ZFAND3: variants seen among roughly 807,000 people sequenced by gnomAD.
The protein encoded by ZFAND3 is zinc finger AN1-type containing 3, also known as AN1-type zinc finger protein 3.
ZFAND3 carries 10 observed loss-of-function variants against 29.6 expected under a neutral mutation model. The ratio of observed to expected loss-of-function variants is 0.34; its 90% CI spans 0.21 to 0.57. The LOEUF (loss-of-function observed/expected upper bound fraction) is 0.57, where lower values mean the gene tolerates loss of function less well. ZFAND3 is among the 20% of genes least tolerant of loss of function. ZFAND3 has a pLI of 0.86. For missense variants in ZFAND3, 230 were observed against 304.5 expected, an observed-to-expected ratio of 0.76 and a Z score of 1.82; for synonymous variants, 128 against 112.6, an observed-to-expected ratio of 1.14 and a Z score of -0.87.
At chr6:38,080,868 A>G (rs889465950) in intron 3 of ZFAND3, among the ~76,000 whole-genome samples, 1 of 152,060 alleles carries the variant, frequency 6.6e-6, no homozygotes, top group Non-Finnish European at 1.5e-5. Context: ...TACCATTTGA[A>G]CCTCTGGAAT....
intron 2 of ZFAND3, among the ~76,000 whole-genome samples, chr6:38,037,611 A>G (rs1763684519): frequency 6.6e-6 from 1 of 152,228 alleles, no homozygotes; most frequent in Non-Finnish European, 1.5e-5. Flanking sequence ...AGGTAAAGCA[A>G]ACAACTTATT....
At chr6:38,086,691 C>G (rs1764764884) in intron 4 of ZFAND3, among the ~76,000 whole-genome samples, 1 of 152,194 alleles carries the variant, frequency 6.6e-6, no homozygotes, top group African/African-American at 2.4e-5. Context: ...ACCGGAGTTA[C>G]AGTCATCTCC....
At chr6:37,910,164 G>C (rs570183447) in intron 1 of ZFAND3, among the ~76,000 whole-genome samples, 86 of 152,288 alleles carry the variant, frequency 5.6e-4, no homozygotes, top group Non-Finnish European at 7.8e-4. Context: ...GGCCTCCTGG[G>C]CTGCAACCCT....
chr6:38,151,869 C>A (rs536895340), intron 5 of ZFAND3, among the ~76,000 whole-genome samples: 1 of 152,036 alleles, frequency 6.6e-6, no homozygotes, highest in African/African-American at 2.4e-5. Context: ...TCACAGTTTG[C>A]CCGAGCCAAG....
At chr6:38,087,940 C>T (rs1220508497) in intron 4 of ZFAND3, among the ~76,000 whole-genome samples, 2 of 152,168 alleles carry the variant, frequency 1.3e-5, no homozygotes, top group Non-Finnish European at 2.9e-5. Context: ...TGAAATGTTT[C>T]CTTGCTGTTA....
intron 2 of ZFAND3, among the ~76,000 whole-genome samples, chr6:37,947,602 T>TC: frequency 1.3e-5 from 2 of 152,310 alleles, no homozygotes; most frequent in East Asian, 3.9e-4. Flanking sequence ...ACTCCAAGTT[T>TC]CCCCACATGC....
chr6:37,932,553 C>G (rs1469577647), intron 2 of ZFAND3, among the ~76,000 whole-genome samples: 1 of 152,204 alleles, frequency 6.6e-6, no homozygotes, highest in Non-Finnish European at 1.5e-5. Flanking sequence ...TTTGTCCCCA[C>G]ATGGAGACCC....
intron 1 of ZFAND3, among the ~76,000 whole-genome samples, chr6:37,896,570 C>CTTTTCTTTCTTTCTT (rs1554153801): frequency 8.0e-6 from 1 of 124,506 alleles, no homozygotes; most frequent in African/African-American, 3.2e-5. Context: ...TTCTTTCTTT[C>CTTTTCTTTCTTTCTT]TCTCTTTCTC....
At chr6:38,077,138 A>G (rs769002235) in intron 3 of ZFAND3, among the ~76,000 whole-genome samples, 5 of 150,888 alleles carry the variant, frequency 3.3e-5, no homozygotes, top group Middle Eastern at 3.4e-3. Flanking sequence ...TTTAAGAGGA[A>G]TCCTCATCAA....
chr6:37,820,460 C>T (rs1044370132), intron 1 of ZFAND3, among the ~76,000 whole-genome samples: 2 of 152,224 alleles, frequency 1.3e-5, no homozygotes, highest in African/African-American at 2.4e-5. Context: ...CTCCCCTCCT[C>T]CCCGTCCTCC....
chr6:37,911,009 G>A (rs1765511081), intron 1 of ZFAND3, among the ~76,000 whole-genome samples: 1 of 152,198 alleles, frequency 6.6e-6, no homozygotes, highest in South Asian at 2.1e-4. Flanking sequence ...GAACATGGGA[G>A]TGTAGATATC....
chr6:38,002,285 C>CTTTTT (rs559479814), intron 2 of ZFAND3, among the ~76,000 whole-genome samples: 1 of 137,902 alleles, frequency 7.3e-6, no homozygotes, highest in Non-Finnish European at 1.6e-5. Context: ...ATTTTCTTTT[C>CTTTTT]TTTTTTTTTT....
At chr6:38,119,397 C>T (rs1765485463) in intron 5 of ZFAND3, among the ~76,000 whole-genome samples, 1 of 152,188 alleles carries the variant, frequency 6.6e-6, no homozygotes. Flanking sequence ...TCAAACAGAA[C>T]ACTTCTTCCC....
chr6:38,069,455 A>G (rs1764410159), intron 3 of ZFAND3, among the ~76,000 whole-genome samples: 1 of 152,232 alleles, frequency 6.6e-6, no homozygotes, highest in Admixed American at 6.5e-5. Flanking sequence ...TCAAAGTGGA[A>G]GATTCTTTCC....
At chr6:37,863,559 AATG>A (rs1261655458) in intron 1 of ZFAND3, among the ~76,000 whole-genome samples, 3 of 152,170 alleles carry the variant, frequency 2.0e-5, no homozygotes, top group Admixed American at 1.3e-4. Context: ...TTTGATTTTT[AATG>A]ATGACCTGTT....
intron 2 of ZFAND3, among the ~76,000 whole-genome samples, chr6:37,965,341 G>A (rs1762274689): frequency 6.6e-6 from 1 of 152,138 alleles, no homozygotes; most frequent in Admixed American, 6.5e-5. Flanking sequence ...ACTGTGAGTA[G>A]CACTGTCCTG....
chr6:38,068,560 A>G (rs571154343), intron 3 of ZFAND3, among the ~76,000 whole-genome samples: 1 of 152,312 alleles, frequency 6.6e-6, no homozygotes, highest in East Asian at 1.9e-4. Context: ...TTCCTATTCT[A>G]TAGATGAAAA....
intron 2 of ZFAND3, among the ~76,000 whole-genome samples, chr6:37,963,990 G>A (rs189963043): frequency 6.6e-6 from 1 of 152,068 alleles, no homozygotes; most frequent in Admixed American, 6.5e-5. Flanking sequence ...TTTTGGCTTG[G>A]GCTAGTGTTC....
intron 1 of ZFAND3, among the ~76,000 whole-genome samples, chr6:37,864,669 GTATATGTGTGTATATATGTA>G (rs2127385285): frequency 6.6e-6 from 1 of 151,824 alleles, no homozygotes; most frequent in South Asian, 2.1e-4. Flanking sequence ...GTGTGTGGGT[GTATATGTGTGTATATATGTA>G]TATATGTGTG....
Sources: gnomAD v4.1 joint callset for allele counts (sites outside exome capture counted in the v4.1 genomes callset) on GRCh38, gnomAD v4.1.1 for gene constraint, MANE v1.5 for transcripts, NCBI Gene and HGNC (gene_info 2026-07-23, HGNC 2026-07-21) for gene names.